Variants in PDE11A observed in about 807,000 individuals in gnomAD.
PDE11A encodes the protein dual 3',5'-cyclic-AMP and -GMP phosphodiesterase 11A.
PDE11A carries 100 observed loss-of-function variants against 100.5 expected under a neutral mutation model. The ratio of observed to expected loss-of-function variants is 1.00; its 90% CI spans 0.85 to 1.18. The LOEUF (loss-of-function observed/expected upper bound fraction) is 1.18, where lower values mean the gene tolerates loss of function less well. PDE11A is among the 50% of genes most tolerant of loss of function. The pLI is 0.00. For missense variants in PDE11A, 1,141 were observed against 1,152.6 expected (o/e 0.99, Z 0.15); for synonymous variants, 381 against 420.8 (o/e 0.91, Z 1.16).
chr2:177,758,919 T>A (rs2082133771), intron 10 of PDE11A, among the ~76,000 whole-genome samples: 2 of 152,168 alleles, frequency 1.3e-5, no homozygotes, highest in African/African-American at 4.8e-5. Context: ...ACACAAACAT[T>A]ATTATATCTC....
intron 2 of PDE11A, among the ~76,000 whole-genome samples, chr2:177,956,574 G>T (rs1407341849): frequency 3.2e-4 from 49 of 152,296 alleles, no homozygotes; most frequent in African/African-American, 4.8e-5. Context: ...ATACCCAAAG[G>T]ATTATAAATC....
Position 178,014,335 on chromosome 2 carries a change from A to G in PDE11A, c.1038T>C (p.Pro346=). The change falls in exon 2 of 20, where the codon CCT becomes CCC. Residue 346 remains proline (P), a synonymous_variant. Coordinates refer to ENST00000286063, the MANE Select transcript of PDE11A (RefSeq NM_016953.4). ...CATCTTCAGTAAATGGAGCTCCTTCAGGAATCTTATTTATCGCTTGGGCCA... is the reference window on the plus strand; with the variant it reads ...CATCTTCAGTAAATGGAGCTCCTTCGGGAATCTTATTTATCGCTTGGGCCA... ...IGVAQAINKI[P]EGAPFTEDDE... is the part of the protein sequence containing the mutation. The G allele has an allele frequency of 6.2e-7, 1 of 1,613,314 alleles. No individual in the cohort carries two copies. Among genetic ancestry groups the G allele is most frequent in the Non-Finnish European group, 8.5e-7 (1 of 1,179,286 alleles).
In PDE11A at chr2:177,713,249, TCCAC is replaced by T. The variant is rs1347616343; in HGVS notation, c.2044-1375_2044-1372del. Among the ~76,000 whole-genome samples, 9 of 152,172 alleles carry T rather than the reference TCCAC, an allele frequency of 5.9e-5. No individual in the cohort carries two copies. In the South Asian group the frequency reaches 6.2e-4, roughly 11 times the overall value. ...GGCTCGAACTCCTGACATCAGGTGA[TCCAC>T]CCATCTCGGCCTCTCAAAATGCTGG... On this transcript the variant is annotated intron_variant, in intron 12 of 19. Transcript: ENST00000286063.
At chr2:177,865,343 A>C (rs1359161145) in intron 5 of PDE11A, among the ~76,000 whole-genome samples, 1 of 152,196 alleles carries the variant, frequency 6.6e-6, no homozygotes, top group Non-Finnish European at 1.5e-5. Context: ...AATGGCTATA[A>C]CTAAAAGAAA....
At chr2:177,882,764 G>A (rs1247972201) in intron 4 of PDE11A, among the ~76,000 whole-genome samples, 2 of 152,090 alleles carry the variant, frequency 1.3e-5, no homozygotes, top group African/African-American at 2.4e-5. Flanking sequence ...ATGGACAGAA[G>A]TCTTTTTGAT....
At chr2:177,681,473 T>C (rs1307727812) in intron 15 of PDE11A, among the ~76,000 whole-genome samples, 1 of 152,224 alleles carries the variant, frequency 6.6e-6, no homozygotes, top group Non-Finnish European at 1.5e-5. Context: ...GAAAGTTAAT[T>C]AAATCCTCTG....
chr2:177,669,440 T>C, intron 18 of PDE11A, 53 bp downstream of exon 18: 2 of 824,250 alleles, frequency 2.4e-6, no homozygotes, highest in Non-Finnish European at 4.3e-6. Context: ...GGAGTTCTTT[T>C]TGAAAATGTC....
At chr2:177,933,819 TAAAG>T (rs953723719) in intron 2 of PDE11A, among the ~76,000 whole-genome samples, 19 of 151,944 alleles carry the variant, frequency 1.3e-4, no homozygotes, top group African/African-American at 4.6e-4. Context: ...AATCCAGAAA[TAAAG>T]CCACACACCT....
chr2:177,820,094 T>C, intron 7 of PDE11A, 126 bp downstream of exon 7: 1 of 643,642 alleles, frequency 1.6e-6, no homozygotes, highest in Non-Finnish European at 2.9e-6. Context: ...TATACGAGAG[T>C]GTGAGACATA....
chr2:177,829,444 G>A (rs2105601648), intron 6 of PDE11A, among the ~76,000 whole-genome samples: 1 of 150,054 alleles, frequency 6.7e-6, no homozygotes, highest in East Asian at 1.9e-4. Context: ...GGTATGATAG[G>A]CAAAATTCTT....
intron 15 of PDE11A, among the ~76,000 whole-genome samples, chr2:177,692,326 C>T (rs889653075): frequency 6.6e-6 from 1 of 152,276 alleles, no homozygotes; most frequent in Non-Finnish European, 1.5e-5. Context: ...GATCTCTCTG[C>T]CCACTCCAAC....
At chr2:178,072,872 G>T, upstream of PDE11A, 2 of 1,143,014 alleles carry the variant, frequency 1.7e-6, no homozygotes, top group Non-Finnish European at 2.2e-6. Flanking sequence ...AGGGAGCCGC[G>T]GACGCCAGAC....
intron 1 of PDE11A, among the ~76,000 whole-genome samples, chr2:178,034,866 T>A (rs143439144): frequency 6.6e-6 from 1 of 151,606 alleles, no homozygotes; most frequent in Non-Finnish European, 1.5e-5. Context: ...CTGGGACACA[T>A]TTAAAGCAGT....
chr2:177,952,405 G>T (rs2085515583), intron 2 of PDE11A, among the ~76,000 whole-genome samples: 1 of 152,126 alleles, frequency 6.6e-6, no homozygotes, highest in Admixed American at 6.5e-5. Context: ...TATCTAAGTG[G>T]TAGGCATGTG....
chr2:178,047,021 T>C (rs1033886421), intron 1 of PDE11A, among the ~76,000 whole-genome samples: 2 of 152,154 alleles, frequency 1.3e-5, no homozygotes, highest in Admixed American at 6.5e-5. Flanking sequence ...TGAATAATTA[T>C]GCAGAAAAAC....
chr2:177,912,808 C>T (rs1309335913), intron 2 of PDE11A, among the ~76,000 whole-genome samples: 7 of 152,162 alleles, frequency 4.6e-5, no homozygotes, highest in African/African-American at 7.2e-5. Flanking sequence ...TAGGCTAATC[C>T]TATACATAAT....
chr2:177,868,320 T>C (rs960628063), intron 5 of PDE11A, among the ~76,000 whole-genome samples: 1 of 152,088 alleles, frequency 6.6e-6, no homozygotes, highest in Admixed American at 6.6e-5. Context: ...GGGGAAATCA[T>C]AGATGAGCTA....
chr2:177,848,047 GA>G (rs2083632962), intron 5 of PDE11A, among the ~76,000 whole-genome samples: 1 of 151,960 alleles, frequency 6.6e-6, no homozygotes, highest in African/African-American at 2.4e-5. Flanking sequence ...TGCATAACAA[GA>G]AAAAATGGCA....
intron 9 of PDE11A, among the ~76,000 whole-genome samples, chr2:177,797,648 T>C (rs1266778371): frequency 6.6e-6 from 1 of 152,226 alleles, no homozygotes; most frequent in Non-Finnish European, 1.5e-5. Flanking sequence ...CTATGGGGAC[T>C]ATGTTAAGTT....
Sources: gnomAD v4.1 joint callset for allele counts (sites outside exome capture counted in the v4.1 genomes callset) on GRCh38, gnomAD v4.1.1 for gene constraint, MANE v1.5 for transcripts, NCBI Gene and HGNC (gene_info 2026-07-23, HGNC 2026-07-21) for gene names.